The following CRYBA4 variants were observed in gnomAD, a reference collection of about 807,000 sequenced individuals.
CRYBA4 encodes crystallin beta A4, also known as beta-crystallin A4.
A neutral mutation model predicts 31.7 loss-of-function variants in CRYBA4; 30 were observed. The observed-to-expected ratio is 0.95, with a 90% confidence interval of 0.71 to 1.28. CRYBA4 has a LOEUF of 1.28. CRYBA4 is among the 50% of genes most tolerant of loss of function. The probability of loss-of-function intolerance (pLI) is 0.00; values close to 1 mark genes in which losing one functional copy is unlikely to be tolerated. For synonymous variants in CRYBA4, 102 were observed against 102.3 expected, an observed-to-expected ratio of 1.00 and a Z score of 0.02; for missense variants, 225 against 260.7, an observed-to-expected ratio of 0.86 and a Z score of 0.94.
intron 4 of CRYBA4, among the ~76,000 whole-genome samples, chr22:26,627,536 T>TTC (rs1929785361): frequency 7.7e-6 from 1 of 130,524 alleles, no homozygotes; most frequent in African/African-American, 3.0e-5. Flanking sequence ...CTTTCTTTCC[T>TTC]TTTCTTTCTT....
chr22:26,614,918 C>G, the CRYBA4 span, among the ~76,000 whole-genome samples: 1 of 151,906 alleles, frequency 6.6e-6, no homozygotes, highest in Non-Finnish European at 1.5e-5. Flanking sequence ...CAAAAGCAAG[C>G]AAGCAGATTA....
the CRYBA4 span, among the ~76,000 whole-genome samples, chr22:26,606,779 C>T: frequency 2.0e-5 from 3 of 152,088 alleles, no homozygotes; most frequent in African/African-American, 7.2e-5. Context: ...ATAAATGTTC[C>T]CATCATGGAA....
chr22:26,598,084 T>A, the CRYBA4 span, among the ~76,000 whole-genome samples: 49 of 152,318 alleles, frequency 3.2e-4, no homozygotes, highest in African/African-American at 1.2e-3. Flanking sequence ...GGTTTCACCA[T>A]GTTGGCCAGG....
At chr22:26,621,706 G>C (rs1208046753), upstream of CRYBA4, among the ~76,000 whole-genome samples, 2 of 152,202 alleles carry the variant, frequency 1.3e-5, no homozygotes, top group Non-Finnish European at 2.9e-5. Flanking sequence ...TCATTCTCCT[G>C]CTCTAGTCAG....
chr22:26,618,745 G>C (rs1929443936), upstream of CRYBA4, among the ~76,000 whole-genome samples: 1 of 152,230 alleles, frequency 6.6e-6, no homozygotes, highest in Non-Finnish European at 1.5e-5. Context: ...CTTGGCCTGA[G>C]GCCCCCTGGC....
chr22:26,609,100 A>G, the CRYBA4 span, among the ~76,000 whole-genome samples: 1 of 152,164 alleles, frequency 6.6e-6, no homozygotes, highest in Non-Finnish European at 1.5e-5. Flanking sequence ...CGTGTGTTCA[A>G]GAGTTCTTAG....
At chr22:26,597,559 T>G in the CRYBA4 span, among the ~76,000 whole-genome samples, 1 of 152,168 alleles carries the variant, frequency 6.6e-6, no homozygotes, top group Non-Finnish European at 1.5e-5. Context: ...AAGCTCCTGC[T>G]CCATCTTTCA....
chr22:26,615,908 A>C, the CRYBA4 span, among the ~76,000 whole-genome samples: 2 of 152,162 alleles, frequency 1.3e-5, no homozygotes, highest in East Asian at 3.9e-4. Flanking sequence ...AGGGAGGAGG[A>C]GGCCAAGGTG....
chr22:26,611,454 G>GTT, the CRYBA4 span, among the ~76,000 whole-genome samples: 3 of 142,692 alleles, frequency 2.1e-5, no homozygotes, highest in Non-Finnish European at 4.6e-5. Flanking sequence ...GCTAGAGTTT[G>GTT]TTTTTTTTTT....
the CRYBA4 span, among the ~76,000 whole-genome samples, chr22:26,592,782 C>G: frequency 1.1e-4 from 17 of 152,110 alleles, no homozygotes; most frequent in African/African-American, 4.1e-4. Context: ...AAGAAACAGG[C>G]AGAAACTGGT....
At chr22:26,617,346 A>G (rs1232853934), upstream of CRYBA4, among the ~76,000 whole-genome samples, 1 of 152,202 alleles carries the variant, frequency 6.6e-6, no homozygotes, top group Non-Finnish European at 1.5e-5. Flanking sequence ...ACCCCCTGCT[A>G]GCACAGATTA....
chr22:26,624,888 G>C (rs1162583049), intron 3 of CRYBA4, among the ~76,000 whole-genome samples: 1 of 152,210 alleles, frequency 6.6e-6, no homozygotes, highest in Non-Finnish European at 1.5e-5. Context: ...GGGAGGCGAG[G>C]TGGAAAGCCC....
At chr22:26,611,460 T>G in the CRYBA4 span, among the ~76,000 whole-genome samples, 125,301 of 146,688 alleles carry the variant, frequency 0.85, 53,143 homozygotes, top group East Asian at 0.9. Flanking sequence ...GTTTGTTTTT[T>G]TTTTTTTTGT....
chr22:26,591,925 A>G, the CRYBA4 span, among the ~76,000 whole-genome samples: 1 of 151,760 alleles, frequency 6.6e-6, no homozygotes, highest in African/African-American at 2.4e-5. Flanking sequence ...ACACACACAC[A>G]CACAGAAACT....
At chr22:26,610,087 G>A in the CRYBA4 span, among the ~76,000 whole-genome samples, 1 of 152,114 alleles carries the variant, frequency 6.6e-6, no homozygotes, top group Non-Finnish European at 1.5e-5. Flanking sequence ...ATCTTCTTCA[G>A]CAGGACCAGT....
the CRYBA4 span, chr22:26,616,278 C>T: frequency 5.0e-6 from 8 of 1,614,008 alleles, no homozygotes; most frequent in Admixed American, 1.7e-5. Context: ...CTGGGTTCAC[C>T]GCCACTGTGG....
chr22:26,607,809 T>C, the CRYBA4 span: 9 of 1,601,070 alleles, frequency 5.6e-6, no homozygotes, highest in Non-Finnish European at 6.8e-6. Flanking sequence ...CATCTCCTTC[T>C]TGCCCTTGTC....
chr22:26,613,594 G>A, the CRYBA4 span, among the ~76,000 whole-genome samples: 2 of 152,190 alleles, frequency 1.3e-5, no homozygotes, highest in South Asian at 2.1e-4. Flanking sequence ...CAATACCCTT[G>A]TGCTTTCCTA....
chr22:26,601,955 G>A, the CRYBA4 span: 1 of 1,613,426 alleles, frequency 6.2e-7, no homozygotes, highest in African/African-American at 1.3e-5. Context: ...TCGTCCCCCT[G>A]GATCTCTATG....
Sources: gnomAD v4.1 joint callset for allele counts (sites outside exome capture counted in the v4.1 genomes callset) on GRCh38, gnomAD v4.1.1 for gene constraint, MANE v1.5 for transcripts, NCBI Gene and HGNC (gene_info 2026-07-23, HGNC 2026-07-21) for gene names.